PPM1H: variants seen among roughly 807,000 people sequenced by gnomAD.
PPM1H encodes protein phosphatase, Mg2+/Mn2+ dependent 1H.
PPM1H carries 27 observed loss-of-function variants against 54.9 expected under a neutral mutation model. That is an observed-to-expected ratio of 0.49 (90% CI 0.36 to 0.68). PPM1H has a LOEUF of 0.68. Among genes scored for constraint, PPM1H ranks in the 30% least tolerant of loss-of-function variants. PPM1H has a pLI of 0.00. For synonymous variants in PPM1H, 305 were observed against 270.8 expected, an observed-to-expected ratio of 1.13 and a Z score of -1.24; for missense variants, 596 against 667.8, an observed-to-expected ratio of 0.89 and a Z score of 1.19.
chr12:62,725,485 C>T (rs1052861021), intron 5 of PPM1H, among the ~76,000 whole-genome samples: 4 of 152,178 alleles, frequency 2.6e-5, no homozygotes, highest in Non-Finnish European at 4.4e-5. Context: ...GCTAAATTCT[C>T]CCCAGTTTAT....
intron 1 of PPM1H, among the ~76,000 whole-genome samples, chr12:62,874,117 G>A (rs900674309): frequency 2.6e-5 from 4 of 152,162 alleles, no homozygotes; most frequent in Non-Finnish European, 4.4e-5. Context: ...TTTTTATCCC[G>A]AAATGCAAGA....
chr12:62,877,910 T>G (rs1870235794), intron 1 of PPM1H, among the ~76,000 whole-genome samples: 2 of 152,226 alleles, frequency 1.3e-5, no homozygotes, highest in Non-Finnish European at 2.9e-5. Context: ...TTATTTTTTC[T>G]TTTTTGAGGC....
intron 2 of PPM1H, among the ~76,000 whole-genome samples, chr12:62,826,436 G>A (rs1327699015): frequency 1.3e-5 from 2 of 152,154 alleles, no homozygotes; most frequent in East Asian, 3.9e-4. Context: ...GCGACAGAGT[G>A]AGACTTCATC....
chr12:62,750,262 T>G (rs2076435095), intron 4 of PPM1H, among the ~76,000 whole-genome samples: 1 of 152,196 alleles, frequency 6.6e-6, no homozygotes, highest in Non-Finnish European at 1.5e-5. Context: ...ACCCTGTACT[T>G]TTTAGTAGCC....
In PPM1H at chr12:62,755,522, G is replaced by A. The variant is rs116830644; in HGVS notation, c.870-17936C>T. On this transcript the variant is annotated intron_variant, in intron 4 of 9. Coordinates refer to ENST00000228705, the MANE Select transcript of PPM1H (RefSeq NM_020700.2). ...GCTGAGTATATCATGGAATCCACCG[G>A]TGTCTTCACCACCATGGAGAAGGCT... 4.5e-3 allele frequency: 3,006 copies of A among 664,406 alleles called. 57 individuals carry two copies. The African/African-American group carries it at 0.046, about 10-fold the overall frequency. The allele number at this position is 664,406 out of a possible 1,614,324, so 41.2% of individuals were successfully genotyped here.
chr12:62,780,785 G>A (rs2076637192), intron 4 of PPM1H, among the ~76,000 whole-genome samples: 1 of 152,146 alleles, frequency 6.6e-6, no homozygotes, highest in Admixed American at 6.5e-5. Flanking sequence ...ATCTATCCTG[G>A]TGTGGGCTCG....
intron 1 of PPM1H, among the ~76,000 whole-genome samples, chr12:62,856,615 T>C (rs570078851): frequency 6.6e-6 from 1 of 152,314 alleles, no homozygotes; most frequent in East Asian, 1.9e-4. Context: ...TTTGAGATGA[T>C]ATGGTAATTG....
chr12:62,865,295 C>T (rs1869736070), intron 1 of PPM1H, among the ~76,000 whole-genome samples: 1 of 152,166 alleles, frequency 6.6e-6, no homozygotes, highest in Admixed American at 6.5e-5. Flanking sequence ...CAGCTGGCTT[C>T]CAACCATCCC....
chr12:62,812,086 A>G (rs994662567), intron 2 of PPM1H, among the ~76,000 whole-genome samples: 3 of 152,228 alleles, frequency 2.0e-5, no homozygotes, highest in African/African-American at 7.2e-5. Context: ...CCAGTGTCAC[A>G]TAACTTTGTG....
In PPM1H at chr12:62,924,522, A is replaced by G. The variant is rs12307226; in HGVS notation, c.245+9970T>C. Among the ~76,000 whole-genome samples the G allele has an allele frequency of 8.7e-3, 1,325 of 152,330 alleles. 24 individuals carry two copies. Among genetic ancestry groups the G allele is most frequent in the African/African-American group, 0.03 (1,243 of 41,576 alleles). On this transcript the variant is annotated intron_variant, in intron 1 of 9. Coordinates refer to ENST00000228705, the MANE Select transcript of PPM1H (RefSeq NM_020700.2). The stretch of plus-strand genomic sequence containing the variant: ...ACATAGGTGAACAGTGACATAATCC[A>G]AGTGCATAAGGAGATGCGAATTTAC...
intron 8 of PPM1H, among the ~76,000 whole-genome samples, chr12:62,683,033 T>TTTTTTATTATTA (rs1491110813): frequency 3.0e-5 from 4 of 133,674 alleles, no homozygotes; most frequent in Non-Finnish European, 4.9e-5. Context: ...GAGTTTATTA[T>TTTTTTATTATTA]TTATTATTAT....
At chr12:62,757,028 G>A (rs2076480640) in intron 4 of PPM1H, among the ~76,000 whole-genome samples, 1 of 152,154 alleles carries the variant, frequency 6.6e-6, no homozygotes. Context: ...TGGGGAAAGG[G>A]TGGATGACCA....
chr12:62,798,816 G>A (rs2076750472), intron 3 of PPM1H, among the ~76,000 whole-genome samples: 1 of 152,090 alleles, frequency 6.6e-6, no homozygotes, highest in Admixed American at 6.5e-5. Context: ...GGTTTCCTGA[G>A]CCCCAGGGCA....
At position 62,657,316 on chromosome 12, in the gene PPM1H, T is replaced by G. The variant is rs372567916; in HGVS notation, c.1398-8680A>C. Among the ~76,000 whole-genome samples the G allele has an allele frequency of 2.0e-5, 3 of 152,212 alleles. No individual in the cohort carries two copies. The East Asian group carries it at 5.8e-4, about 29-fold the overall frequency. On this transcript the variant is annotated intron_variant, in intron 9 of 9. Coordinates refer to ENST00000228705, the MANE Select transcript of PPM1H (RefSeq NM_020700.2). Reference sequence around the variant, plus strand: ...AGTAACATTTCAATACGAGGGGGCATAATAGACTATTTCCTTCTCAATCCT... The same window carrying G: ...AGTAACATTTCAATACGAGGGGGCAGAATAGACTATTTCCTTCTCAATCCT...
At chr12:62,749,148 G>T (rs926922497) in intron 4 of PPM1H, among the ~76,000 whole-genome samples, 20 of 152,124 alleles carry the variant, frequency 1.3e-4, no homozygotes, top group African/African-American at 4.8e-4. Context: ...ATTGAGCAAG[G>T]CCCCCAATGT....
intron 9 of PPM1H, among the ~76,000 whole-genome samples, chr12:62,665,425 A>T (rs980032611): frequency 6.6e-6 from 1 of 152,252 alleles, no homozygotes; most frequent in Non-Finnish European, 1.5e-5. Context: ...AGTATTGACA[A>T]AAAATTCTGG....
intron 1 of PPM1H, among the ~76,000 whole-genome samples, chr12:62,892,558 T>C (rs1319144687): frequency 6.6e-6 from 1 of 152,204 alleles, no homozygotes; most frequent in Non-Finnish European, 1.5e-5. Context: ...TCTACTTCTA[T>C]AACTTTCTAC....
At chr12:62,840,944 G>A (rs1403373314) in intron 1 of PPM1H, among the ~76,000 whole-genome samples, 1 of 151,984 alleles carries the variant, frequency 6.6e-6, no homozygotes, top group Middle Eastern at 3.2e-3. Flanking sequence ...GTGACAAAGA[G>A]GTTGTGAACC....
At chr12:62,811,536 T>C (rs902168705) in intron 2 of PPM1H, among the ~76,000 whole-genome samples, 2 of 152,186 alleles carry the variant, frequency 1.3e-5, no homozygotes, top group African/African-American at 2.4e-5. Context: ...ACATCTGATA[T>C]GGTGTGGCTG....
Sources: gnomAD v4.1 joint callset for allele counts (sites outside exome capture counted in the v4.1 genomes callset) on GRCh38, gnomAD v4.1.1 for gene constraint, MANE v1.5 for transcripts, NCBI Gene and HGNC (gene_info 2026-07-23, HGNC 2026-07-21) for gene names.